The following DPYD variants were observed in gnomAD, a reference collection of about 807,000 sequenced individuals.
The protein encoded by DPYD is dihydropyrimidine dehydrogenase [NADP(+)].
Under a neutral mutation model 116.2 loss-of-function variants are expected in DPYD, and 109 were observed. That is an observed-to-expected ratio of 0.94 (90% CI 0.80 to 1.10). DPYD has a LOEUF of 1.10. DPYD is among the 50% of genes least tolerant of loss of function. The pLI is 0.00. For missense variants in DPYD, 1,302 were observed against 1,254.5 expected (o/e 1.04, Z -0.57); for synonymous variants, 440 against 432.0 (o/e 1.02, Z -0.23).
At chr1:97,810,897 T>C (rs758823146) in intron 3 of DPYD, among the ~76,000 whole-genome samples, 1 of 152,146 alleles carries the variant, frequency 6.6e-6, no homozygotes, top group African/African-American at 2.4e-5. Context: ...CAATGGGGTT[T>C]CCCAAGGTTG....
chr1:97,599,773 C>T (rs1329624815), intron 8 of DPYD, among the ~76,000 whole-genome samples: 1 of 140,060 alleles, frequency 7.1e-6, no homozygotes, highest in Non-Finnish European at 1.5e-5. Context: ...CCTGTAATCC[C>T]AGCACTTTGT....
At chr1:97,143,526 G>C (rs1366895730) in intron 20 of DPYD, among the ~76,000 whole-genome samples, 1 of 152,112 alleles carries the variant, frequency 6.6e-6, no homozygotes, top group African/African-American at 2.4e-5. Context: ...AGGAAATTTA[G>C]TATTACCCAG....
Position 97,359,776 on chromosome 1 carries a change from G to C in DPYD, c.2058+13785C>G, listed in dbSNP as rs969149674. 1.4e-4 allele frequency among the ~76,000 whole-genome samples: 22 copies of C among 152,198 alleles called. No individual in the cohort carries two copies. The East Asian group carries it at 3.1e-3, about 21-fold the overall frequency. On this transcript the variant is annotated intron_variant, in intron 16 of 22. Coordinates refer to ENST00000370192, the MANE Select transcript of DPYD (RefSeq NM_000110.4). ...CAAATGCTGAGAGATTTTGTCACCA[G>C]CAGGCCTGCCTTACAAGAGCTCCTG... is the stretch of plus-strand genomic sequence containing the variant.
chr1:97,278,746 G>A (rs780423051), intron 18 of DPYD, among the ~76,000 whole-genome samples: 5 of 152,168 alleles, frequency 3.3e-5, no homozygotes, highest in Non-Finnish European at 5.9e-5. Context: ...CAAAGGGCTA[G>A]AGAAATCTAT....
At chr1:97,817,540 G>C (rs868826210) in intron 3 of DPYD, among the ~76,000 whole-genome samples, 12 of 151,974 alleles carry the variant, frequency 7.9e-5, no homozygotes, top group Admixed American at 1.3e-4. Flanking sequence ...TTTTATTATA[G>C]TATATTGTGA....
intron 8 of DPYD, among the ~76,000 whole-genome samples, chr1:97,656,722 C>T (rs1414505523): frequency 6.6e-6 from 1 of 152,012 alleles, no homozygotes; most frequent in African/African-American, 2.4e-5. Context: ...TTTGGTCTGC[C>T]ATTTTTAAAT....
chr1:97,289,036 C>A (rs1019729715), intron 18 of DPYD, among the ~76,000 whole-genome samples: 16 of 152,130 alleles, frequency 1.1e-4, no homozygotes, highest in African/African-American at 3.6e-4. Flanking sequence ...ATACAAACTA[C>A]CATAAGAGAA....
chr1:97,740,344 A>T (rs1199599231), intron 4 of DPYD, 48 bp downstream of exon 4: 2 of 1,482,622 alleles, frequency 1.3e-6, no homozygotes, highest in African/African-American at 2.8e-5. Flanking sequence ...AATAGAGAAC[A>T]AGATCAAATA....
intron 6 of DPYD, among the ~76,000 whole-genome samples, chr1:97,693,359 A>T (rs1661132689): frequency 6.6e-6 from 1 of 151,868 alleles, no homozygotes; most frequent in Admixed American, 6.6e-5. Context: ...ATAAAATCAA[A>T]GCTGTACACT....
At chr1:97,686,509 A>C (rs113066173) in intron 7 of DPYD, among the ~76,000 whole-genome samples, 17,397 of 150,330 alleles carry the variant, frequency 0.12, 1,079 homozygotes, top group Middle Eastern at 0.14. Context: ...TGGTAGCGGG[A>C]GCCTGTAGTC....
At chr1:97,173,373 TG>T (rs1377916150) in intron 20 of DPYD, among the ~76,000 whole-genome samples, 1 of 147,594 alleles carries the variant, frequency 6.8e-6, no homozygotes, top group Admixed American at 6.7e-5. Flanking sequence ...TATACATATA[TG>T]TGTGTATATA....
At chr1:97,473,905 G>T (rs1374714979) in intron 13 of DPYD, among the ~76,000 whole-genome samples, 1 of 151,806 alleles carries the variant, frequency 6.6e-6, no homozygotes, top group Non-Finnish European at 1.5e-5. Context: ...CCAGCTACTT[G>T]GGAGGCTGAG....
At chr1:97,856,415 A>T (rs1290982410) in intron 2 of DPYD, 1 of 152,220 alleles carries the variant, frequency 6.6e-6, no homozygotes, top group Non-Finnish European at 1.5e-5. Flanking sequence ...TTTTAGAAAA[A>T]AAAAGGTCAT....
chr1:97,793,636 T>A (rs1243920927), intron 3 of DPYD, among the ~76,000 whole-genome samples: 2 of 151,956 alleles, frequency 1.3e-5, no homozygotes, highest in Non-Finnish European at 1.5e-5. Flanking sequence ...AACAATTGGA[T>A]GCCCATATGA....
intron 13 of DPYD, among the ~76,000 whole-genome samples, chr1:97,501,822 C>T (rs371628838): frequency 8.4e-4 from 127 of 152,032 alleles, no homozygotes; most frequent in African/African-American, 2.9e-3. Flanking sequence ...GAAGAAATCA[C>T]ACCTCAGCAT....
rs564077785 is a variant in DPYD at position 97,574,084 on chromosome 1, C to T, written c.1129-114G>A. The T allele has an allele frequency of 9.2e-4, 1,385 of 1,503,828 alleles. 3 individuals are homozygous for T. Among genetic ancestry groups the T allele is most frequent in the Non-Finnish European group, 9.3e-4 (1,038 of 1,121,120 alleles). 93.2% of individuals were successfully genotyped at this position (1,503,828 alleles called of 1,614,324 possible). ...CTTATGATATTAAGTCAATATGCAG[C>T]TTTTTCTTTCACCAAACCTGAGTTT... On this transcript the variant is annotated intron_variant, in intron 10 of 22. Transcript: ENST00000370192.
At chr1:97,327,476 C>A (rs1334374062) in intron 16 of DPYD, among the ~76,000 whole-genome samples, 1 of 151,604 alleles carries the variant, frequency 6.6e-6, no homozygotes, top group Non-Finnish European at 1.5e-5. Context: ...AAGCAAATAC[C>A]AACTTGAATA....
chr1:97,765,337 T>C (rs978222517), intron 3 of DPYD, among the ~76,000 whole-genome samples: 1 of 152,200 alleles, frequency 6.6e-6, no homozygotes, highest in African/African-American at 2.4e-5. Context: ...AATATATTTC[T>C]TTGGTCTAAG....
intron 10 of DPYD, among the ~76,000 whole-genome samples, chr1:97,583,246 G>C (rs1653823907): frequency 6.6e-6 from 1 of 152,136 alleles, no homozygotes; most frequent in Non-Finnish European, 1.5e-5. Flanking sequence ...TGGGATTACA[G>C]GCGTGAACCA....
Sources: gnomAD v4.1 joint callset for allele counts (sites outside exome capture counted in the v4.1 genomes callset) on GRCh38, gnomAD v4.1.1 for gene constraint, MANE v1.5 for transcripts, NCBI Gene and HGNC (gene_info 2026-07-23, HGNC 2026-07-21) for gene names.